Variants in ZNF568 observed in about 807,000 individuals in gnomAD.
ZNF568 encodes p53 inhibitor of SCO2 activation.
ZNF568 carries 11 observed loss-of-function variants against 18.1 expected under a neutral mutation model. That is an observed-to-expected ratio of 0.61 (90% CI 0.38 to 1.00). The LOEUF (loss-of-function observed/expected upper bound fraction) is 1.00. ZNF568 is among the 50% of genes least tolerant of loss of function. The pLI is 0.01. For synonymous variants in ZNF568, 213 were observed against 246.6 expected (o/e 0.86, Z 1.28); for missense variants, 639 against 768.2 (o/e 0.83, Z 1.99).
Position 36,950,270 on chromosome 19 carries a change from C to A in ZNF568, c.1117C>A (p.Arg373=), listed in dbSNP as rs752691158. ...ACNECGRAFS[R]MSSVTLHMRS... ...TAATGAATGTGGTAGAGCTTTTTCT[C>A]GAATGTCATCTGTTACGCTACATAT... Residue 373 remains arginine (R), a synonymous_variant, in exon 7 of 7, where the codon CGA becomes AGA. Coordinates refer to ENST00000333987, the MANE Select transcript of ZNF568 (RefSeq NM_198539.4). The A allele has an allele frequency of 1.2e-6, 2 of 1,613,830 alleles. No individual in the cohort carries two copies. Among genetic ancestry groups the A allele is most frequent in the Non-Finnish European group, 1.7e-6 (2 of 1,179,954 alleles).
At chr19:36,933,916 G>GTTTTTTTTTTTTTTTTTTTTTTTTTT (rs1243440418) in intron 4 of ZNF568, among the ~76,000 whole-genome samples, 1 of 20,722 alleles carries the variant, frequency 4.8e-5, no homozygotes, top group African/African-American at 3.2e-4. Flanking sequence ...TTTTTGTTTT[G>GTTTTTTTTTTTTTTTTTTTTTTTTTT]TTTTTTTGTT....
downstream of ZNF568, among the ~76,000 whole-genome samples, chr19:36,957,033 C>T (rs774170237): frequency 6.6e-6 from 1 of 151,968 alleles, no homozygotes; most frequent in Non-Finnish European, 1.5e-5. Context: ...CATTGTTACA[C>T]AACTTTCAAA....
intron 7 of ZNF568, among the ~76,000 whole-genome samples, chr19:36,977,074 A>G (rs566157415): frequency 5.3e-5 from 8 of 152,198 alleles, no homozygotes; most frequent in Non-Finnish European, 1.2e-4. Flanking sequence ...ATATTTTTTC[A>G]CAGTTAATCT....
At chr19:36,974,790 C>T (rs541016366) in intron 7 of ZNF568, among the ~76,000 whole-genome samples, 7 of 151,908 alleles carry the variant, frequency 4.6e-5, no homozygotes, top group East Asian at 1.9e-4. Context: ...GCATTGTCCC[C>T]TCCATGATCA....
Position 36,949,517 on chromosome 19 carries a change from T to G in ZNF568, c.364T>G (p.Trp122Gly). 2 of 1,559,244 alleles carry G rather than the reference T, an allele frequency of 1.3e-6. No homozygotes were observed. Among genetic ancestry groups the G allele is most frequent in the East Asian group, 2.2e-5 (1 of 44,506 alleles). ...TTTCTGGTCCTCCATTTTAGAAGTTTGGGAAGTTGATGAACAGATCAAGAA... is the reference window on the plus strand; with the variant it reads ...TTTCTGGTCCTCCATTTTAGAAGTTGGGGAAGTTGATGAACAGATCAAGAA... ...EMFGRHCPEVWEVDEQIKKQQ... is the reference protein window; with the variant it reads ...EMFGRHCPEVGEVDEQIKKQQ... The change falls in exon 7 of 7, where the codon TGG becomes GGG. Residue 122 changes from tryptophan (W) to glycine (G), a missense_variant. Physicochemically the swap from Trp to Gly is radical, Grantham distance 184 (BLOSUM62 -2). Coordinates refer to ENST00000333987, the MANE Select transcript of ZNF568 (RefSeq NM_198539.4).
chr19:36,948,115 A>G (rs2073995798), intron 6 of ZNF568, among the ~76,000 whole-genome samples: 1 of 152,166 alleles, frequency 6.6e-6, no homozygotes, highest in African/African-American at 2.4e-5. Context: ...TCACTGTCCT[A>G]AAACTCCTCT....
rs2073603055 is a variant in ZNF568, at chr19:36,927,895, ATATATATATTTTTTTTTTT to A, written c.135+2639_135+2657del. ...ATATATATATATATATATTATATAT[ATATATATATTTTTTTTTTT>A]TTTTTTTTTTTTTTTTTGGTGATGA... On this transcript the variant is annotated intron_variant, in intron 4 of 6. Coordinates refer to ENST00000333987, the MANE Select transcript of ZNF568 (RefSeq NM_198539.4). Among the ~76,000 whole-genome samples the A allele has an allele frequency of 3.5e-4, 9 of 25,772 alleles. 1 individual carries two copies. Among genetic ancestry groups the A allele is most frequent in the African/African-American group, 1.7e-3 (7 of 4,210 alleles). 16.9% of individuals were successfully genotyped at this position (25,772 alleles called of 152,430 possible). A position where few individuals can be genotyped will look rare whatever the true frequency, so the allele number is the denominator to read the frequency against.
At chr19:36,994,485 A>G (rs537228313) in intron 4 of ZNF568, among the ~76,000 whole-genome samples, 1 of 152,232 alleles carries the variant, frequency 6.6e-6, no homozygotes, top group East Asian at 1.9e-4. Flanking sequence ...TAGCTATTCT[A>G]TCCATTATTG....
Position 36,922,657 on chromosome 19 carries a change from GA to G in ZNF568, c.-112del, listed in dbSNP as rs975486931. The G allele has an allele frequency of 2.7e-6, 2 of 735,558 alleles. No homozygotes were observed. The highest frequency in any genetic ancestry group is 4.0e-4 in the Middle Eastern group (1 of 2,518). 45.6% of individuals were successfully genotyped at this position (735,558 alleles called of 1,614,324 possible). On this transcript the variant is annotated 5_prime_UTR_variant, in exon 3 of 7. It introduces an in-frame stop codon into an upstream open reading frame of the 5' UTR. Coordinates refer to ENST00000333987, the MANE Select transcript of ZNF568 (RefSeq NM_198539.4). ...TCTGAGGAACAGGTGTCTTATCATGGAAGGAGACCTGACCTGAGACCTGCCT... is the reference window on the plus strand; with the variant it reads ...TCTGAGGAACAGGTGTCTTATCATGGAGGAGACCTGACCTGAGACCTGCCT...
chr19:36,925,674 A>G (rs1029454755), intron 4 of ZNF568, among the ~76,000 whole-genome samples: 3 of 143,664 alleles, frequency 2.1e-5, no homozygotes, highest in African/African-American at 8.2e-5. Context: ...GCAAATCAAA[A>G]ATACTTGAAA....
chr19:36,955,881 G>A (rs773474148), downstream of ZNF568, among the ~76,000 whole-genome samples: 1 of 152,132 alleles, frequency 6.6e-6, no homozygotes, highest in Non-Finnish European at 1.5e-5. Flanking sequence ...TGGCTGGCCG[G>A]TGGACCATTT....
At chr19:36,947,419 T>C (rs2073985959) in intron 6 of ZNF568, among the ~76,000 whole-genome samples, 1 of 152,136 alleles carries the variant, frequency 6.6e-6, no homozygotes, top group African/African-American at 2.4e-5. Flanking sequence ...TGAGGCTAAA[T>C]AACAGAAAGG....
In ZNF568 at chr19:36,950,223, C is replaced by T; in HGVS notation, c.1070C>T (p.Thr357Ile). The T allele has an allele frequency of 6.2e-7, 1 of 1,613,776 alleles. No individual in the cohort carries two copies. Among genetic ancestry groups the T allele is most frequent in the Non-Finnish European group, 8.5e-7 (1 of 1,179,848 alleles). The stretch of plus-strand genomic sequence containing the variant: ...CTTATTGAGCACGAGAAAATTCATA[C>T]TGGGGAGAAACCTTATGCATGTAAT... Reference protein sequence around the residue: ...QNLIEHEKIHTGEKPYACNEC... With the variant: ...QNLIEHEKIHIGEKPYACNEC... The change falls in exon 7 of 7, where the codon ACT becomes ATT. Residue 357 changes from threonine (T) to isoleucine (I), a missense_variant. Physicochemically the swap from Thr to Ile is moderately conservative, Grantham distance 89. Coordinates refer to ENST00000333987, the MANE Select transcript of ZNF568 (RefSeq NM_198539.4).
Position 36,951,922 on chromosome 19 carries a change from C to A in ZNF568, c.*834C>A. On this transcript the variant is annotated 3_prime_UTR_variant, in exon 7 of 7. Transcript: ENST00000333987. The stretch of plus-strand genomic sequence containing the variant: ...TGGGGTTTACAGGCTTGAGCCACTG[C>A]ACCTGGCCAAAAAATTAACATTCTA... The A allele has an allele frequency of 1.0e-6, 1 of 984,244 alleles. No homozygotes were observed. Among genetic ancestry groups the A allele is most frequent in the Non-Finnish European group, 1.2e-6 (1 of 829,696 alleles). The allele number at this position is 984,244 out of a possible 1,614,324, so 61.0% of individuals were successfully genotyped here. A position where few individuals can be genotyped will look rare whatever the true frequency, so the allele number is the denominator to read the frequency against.
chr19:36,920,212 T>TAAA (rs3053336), intron 2 of ZNF568, among the ~76,000 whole-genome samples: 89,284 of 151,618 alleles, frequency 0.59, 27,311 homozygotes, highest in African/African-American at 0.74. Flanking sequence ...TTTAAAAAGT[T>TAAA]AAAAAATTTT....
In ZNF568 at chr19:36,950,211, A is replaced by G. The variant is rs373541712; in HGVS notation, c.1058A>G (p.Glu353Gly). Reference sequence around the variant, plus strand: ...CAGAAGCAAAATCTTATTGAGCACGAGAAAATTCATACTGGGGAGAAACCT... The same window carrying G: ...CAGAAGCAAAATCTTATTGAGCACGGGAAAATTCATACTGGGGAGAAACCT... ...FSQKQNLIEHEKIHTGEKPYA... is the reference protein window; with the variant it reads ...FSQKQNLIEHGKIHTGEKPYA... The change falls in exon 7 of 7, where the codon GAG becomes GGG. Residue 353 changes from glutamate to glycine, a missense_variant. By Grantham distance (98) the Glu-to-Gly change is moderately conservative. Coordinates refer to ENST00000333987, the MANE Select transcript of ZNF568 (RefSeq NM_198539.4). 1.9e-6 allele frequency: 3 copies of G among 1,613,634 alleles called. No individual in the cohort carries two copies. Among genetic ancestry groups the G allele is most frequent in the Non-Finnish European group, 1.7e-6 (2 of 1,179,794 alleles).
intron 6 of ZNF568, among the ~76,000 whole-genome samples, chr19:36,962,618 G>A (rs1271941728): frequency 6.6e-6 from 1 of 152,094 alleles, no homozygotes; most frequent in African/African-American, 2.4e-5. Flanking sequence ...TGAGATAACA[G>A]GTGTGAGCCA....
chr19:36,953,670 G>T (rs2074085778), downstream of ZNF568, among the ~76,000 whole-genome samples: 1 of 152,200 alleles, frequency 6.6e-6, no homozygotes, highest in Non-Finnish European at 1.5e-5. Flanking sequence ...CCAGCGCTTT[G>T]GGAGGCCGAG....
chr19:36,923,099 C>A (rs2073486242), intron 3 of ZNF568, among the ~76,000 whole-genome samples: 2 of 152,104 alleles, frequency 1.3e-5, no homozygotes. Context: ...ACAAAAGCTT[C>A]CTATTCCATC....
Sources: allele counts gnomAD v4.1 joint callset (sites outside exome capture counted in the v4.1 genomes callset), GRCh38; gene constraint gnomAD v4.1.1; transcripts MANE v1.5; gene names NCBI Gene and HGNC (gene_info 2026-07-23, HGNC 2026-07-21).